Variants in SEMA3C observed in about 807,000 individuals in gnomAD.
SEMA3C encodes the protein semaphorin 3C.
In SEMA3C, 47 loss-of-function variants were observed where a neutral mutation model predicts 89.4. The observed-to-expected ratio is 0.53, with a 90% CI of 0.42 to 0.67. SEMA3C has a LOEUF of 0.67. Ranked by LOEUF, SEMA3C falls within the 30% of genes least tolerant of loss-of-function variation. The pLI is 0.00. For missense variants in SEMA3C, 839 were observed against 929.1 expected (o/e 0.90, Z 1.26); for synonymous variants, 310 against 320.2 (o/e 0.97, Z 0.34).
chr7:80,865,978 G>A (rs1790917908), intron 2 of SEMA3C, among the ~76,000 whole-genome samples: 1 of 152,046 alleles, frequency 6.6e-6, no homozygotes, highest in Admixed American at 6.6e-5. Context: ...ATGTACCATA[G>A]TTTTCTTCTT....
At chr7:80,806,690 A>C (rs774846742) in intron 6 of SEMA3C, among the ~76,000 whole-genome samples, 10 of 152,148 alleles carry the variant, frequency 6.6e-5, no homozygotes, top group African/African-American at 1.2e-4. Flanking sequence ...GTGACCCCTG[A>C]GTATAAAACA....
At chr7:80,768,520 A>C (rs1416703048) in intron 12 of SEMA3C, among the ~76,000 whole-genome samples, 3 of 152,274 alleles carry the variant, frequency 2.0e-5, no homozygotes, top group Middle Eastern at 3.4e-3. Flanking sequence ...TCTAAAAAAA[A>C]AAAAAAAAGA....
chr7:80,782,471 T>G (rs567395617), intron 12 of SEMA3C, among the ~76,000 whole-genome samples: 1 of 152,198 alleles, frequency 6.6e-6, no homozygotes, highest in South Asian at 2.1e-4. Context: ...TAATTCATAG[T>G]AAAATGAGAA....
chr7:80,851,667 A>C (rs1186914016), intron 2 of SEMA3C, among the ~76,000 whole-genome samples: 1 of 152,108 alleles, frequency 6.6e-6, no homozygotes, highest in East Asian at 1.9e-4. Context: ...GAATCAGCTG[A>C]GAGGGCATCA....
At chr7:80,793,586 T>C (rs1013754471) in intron 11 of SEMA3C, 10 of 391,010 alleles carry the variant, frequency 2.6e-5, no homozygotes, top group Admixed American at 6.2e-5. Context: ...CAATCAATTT[T>C]GGTTTAGGAT....
chr7:80,905,128 T>G (rs1461397576), intron 2 of SEMA3C, among the ~76,000 whole-genome samples: 4 of 151,168 alleles, frequency 2.6e-5, no homozygotes, highest in African/African-American at 9.7e-5. Flanking sequence ...CTCCTGATAT[T>G]TAAAATAGCC....
Position 80,861,071 on chromosome 7 carries a change from C to T in SEMA3C, c.104-32326G>A, listed in dbSNP as rs969544972. On this transcript the variant is annotated intron_variant, in intron 2 of 17. Coordinates refer to ENST00000265361, the MANE Select transcript of SEMA3C (RefSeq NM_006379.5). ...CAAACATGAGAAAATGAGAACATAC[C>T]AATATGAACATTCCTTTGCCATCCT... Among the ~76,000 whole-genome samples the T allele has an allele frequency of 2.6e-5, 4 of 152,032 alleles. 1 individual carries two copies. Among genetic ancestry groups the T allele is most frequent in the Middle Eastern group, 6.8e-3 (2 of 294 alleles).
At chr7:80,749,815 T>C (rs944740371) in intron 16 of SEMA3C, among the ~76,000 whole-genome samples, 3 of 152,116 alleles carry the variant, frequency 2.0e-5, no homozygotes, top group Admixed American at 6.6e-5. Context: ...TTCTTGAGCA[T>C]TGAGTGAAAT....
intron 12 of SEMA3C, among the ~76,000 whole-genome samples, chr7:80,773,590 C>T (rs945434779): frequency 2.0e-5 from 3 of 152,168 alleles, no homozygotes; most frequent in Non-Finnish European, 4.4e-5. Flanking sequence ...AGCTAATATT[C>T]ATGATCATTC....
Position 80,743,345 on chromosome 7 carries a change from AATC to A in SEMA3C, c.*1546_*1548del, listed in dbSNP as rs1787724944. On this transcript the variant is annotated 3_prime_UTR_variant, in exon 18 of 18. Transcript: ENST00000265361. The stretch of plus-strand genomic sequence containing the variant: ...ATCATATTCTGATATTCTGATTAAT[AATC>A]ATATTAATTTTGACAATGATTTTAG... 6.6e-6 allele frequency: 1 copy of A among 151,860 alleles called. No individual in the cohort carries two copies. Among genetic ancestry groups the A allele is most frequent in the South Asian group, 2.1e-4 (1 of 4,830 alleles). The allele number at this position is 151,860 out of a possible 1,614,324, so 9.4% of individuals were successfully genotyped here.
intron 6 of SEMA3C, 82 bp downstream of exon 6, chr7:80,810,529 C>CCAT (rs1562885753): frequency 2.0e-6 from 2 of 1,025,384 alleles, no homozygotes; most frequent in Non-Finnish European, 3.0e-6. Flanking sequence ...ATCCACACAA[C>CCAT]CATCAAGAAT....
intron 10 of SEMA3C, among the ~76,000 whole-genome samples, chr7:80,798,690 C>G (rs1410419808): frequency 1.3e-5 from 2 of 152,116 alleles, no homozygotes; most frequent in Non-Finnish European, 2.9e-5. Context: ...AGAGTGTTCT[C>G]ACATGGTATC....
intron 13 of SEMA3C, 63 bp from the exon 14 acceptor site, chr7:80,761,720 G>T (rs1449836973): frequency 1.6e-5 from 15 of 919,286 alleles, no homozygotes; most frequent in South Asian, 3.3e-5. Context: ...TTTACATTCA[G>T]ATTTTTTTTC....
chr7:80,871,373 A>G (rs988606644), intron 2 of SEMA3C, among the ~76,000 whole-genome samples: 2 of 152,152 alleles, frequency 1.3e-5, no homozygotes, highest in Admixed American at 1.3e-4. Flanking sequence ...GATCTGTTTC[A>G]TATTCATGGC....
chr7:80,869,066 T>C lies in SEMA3C; in HGVS notation c.104-40321A>G, dbSNP rs1562915335. Among the ~76,000 whole-genome samples the C allele has an allele frequency of 1.3e-5, 2 of 152,324 alleles. 1 individual carries two copies. The highest frequency in any genetic ancestry group is 4.1e-4 in the South Asian group (2 of 4,832). ...TTACATATTGTAATGGAATAAATTA[T>C]GGGTAACTACAATTTTAACTACAAT... On this transcript the variant is annotated intron_variant, in intron 2 of 17. Transcript: ENST00000265361.
intron 12 of SEMA3C, among the ~76,000 whole-genome samples, chr7:80,768,705 G>A (rs946220065): frequency 6.6e-6 from 1 of 152,138 alleles, no homozygotes; most frequent in Non-Finnish European, 1.5e-5. Context: ...ATTGGAATTA[G>A]CAGTGGAAAC....
intron 2 of SEMA3C, among the ~76,000 whole-genome samples, chr7:80,898,312 G>C (rs546833886): frequency 7.5e-4 from 114 of 152,310 alleles, no homozygotes; most frequent in African/African-American, 2.6e-3. Flanking sequence ...GTTGCAGTGA[G>C]CCGAGATCGC....
chr7:80,746,906 G>C (rs962818970), intron 17 of SEMA3C, among the ~76,000 whole-genome samples: 2 of 151,816 alleles, frequency 1.3e-5, no homozygotes, highest in Non-Finnish European at 2.9e-5. Flanking sequence ...GTGGAGGAGG[G>C]CTTTCAGTTT....
chr7:80,808,208 T>G (rs1468233441), intron 6 of SEMA3C, among the ~76,000 whole-genome samples: 1 of 152,170 alleles, frequency 6.6e-6, no homozygotes, highest in Non-Finnish European at 1.5e-5. Context: ...TCCTTATTAT[T>G]CTAAAGAATA....
Sources: allele counts gnomAD v4.1 joint callset (sites outside exome capture counted in the v4.1 genomes callset), GRCh38; gene constraint gnomAD v4.1.1; transcripts MANE v1.5; gene names NCBI Gene and HGNC (gene_info 2026-07-23, HGNC 2026-07-21).